SLC39A11: variants seen among roughly 807,000 people sequenced by gnomAD.
SLC39A11 encodes zinc transporter ZIP11.
A neutral mutation model predicts 36.1 loss-of-function variants in SLC39A11; 33 were observed. That is an observed-to-expected ratio of 0.91 (90% CI 0.69 to 1.22). SLC39A11 has a LOEUF of 1.22. Ranked by LOEUF, SLC39A11 falls within the 50% of genes most tolerant of loss-of-function variation. SLC39A11 has a pLI of 0.00. For synonymous variants in SLC39A11, 166 were observed against 170.3 expected, an observed-to-expected ratio of 0.97 and a Z score of 0.20; for missense variants, 432 against 430.3, an observed-to-expected ratio of 1.00 and a Z score of -0.03.
intron 6 of SLC39A11, among the ~76,000 whole-genome samples, chr17:72,787,854 C>T (rs182009755): frequency 1.3e-5 from 2 of 152,268 alleles, no homozygotes; most frequent in South Asian, 2.1e-4. Context: ...TGACTCTCCC[C>T]CTCCTTCCCT....
intron 4 of SLC39A11, among the ~76,000 whole-genome samples, chr17:72,966,221 G>A (rs1364411457): frequency 6.6e-6 from 1 of 152,208 alleles, no homozygotes; most frequent in Non-Finnish European, 1.5e-5. Flanking sequence ...TTCCCTGTGG[G>A]AACATCACAT....
intron 6 of SLC39A11, among the ~76,000 whole-genome samples, chr17:72,748,919 G>A (rs1337790353): frequency 6.6e-6 from 1 of 152,198 alleles, no homozygotes; most frequent in Non-Finnish European, 1.5e-5. Context: ...CCAAGTACGG[G>A]AGAGGGGCCA....
At chr17:72,969,097 T>C (rs754643022) in intron 4 of SLC39A11, among the ~76,000 whole-genome samples, 76 of 152,038 alleles carry the variant, frequency 5.0e-4, no homozygotes, top group Non-Finnish European at 9.1e-4. Flanking sequence ...TTCCCTCAAC[T>C]TAAGGAGTCA....
chr17:72,844,467 A>G (rs941335748), intron 6 of SLC39A11, among the ~76,000 whole-genome samples: 1 of 152,140 alleles, frequency 6.6e-6, no homozygotes, highest in Non-Finnish European at 1.5e-5. Flanking sequence ...CCAGGAGTTC[A>G]AGACCAGCCT....
chr17:72,999,925 G>A (rs1396133289), intron 4 of SLC39A11, among the ~76,000 whole-genome samples: 1 of 151,974 alleles, frequency 6.6e-6, no homozygotes, highest in African/African-American at 2.4e-5. Flanking sequence ...ATTTTTAGTA[G>A]AGATGGGGGT....
intron 4 of SLC39A11, among the ~76,000 whole-genome samples, chr17:72,973,041 G>A (rs946639767): frequency 4.6e-5 from 7 of 151,364 alleles, no homozygotes; most frequent in African/African-American, 1.7e-4. Context: ...AGCCCTTTGT[G>A]CCCACATGCA....
chr17:72,783,702 A>T (rs1038425138), intron 6 of SLC39A11, among the ~76,000 whole-genome samples: 2 of 152,020 alleles, frequency 1.3e-5, no homozygotes, highest in African/African-American at 4.8e-5. Context: ...AAAACCATAG[A>T]TCAGATCTAC....
intron 4 of SLC39A11, among the ~76,000 whole-genome samples, chr17:72,949,318 G>C (rs776985102): frequency 6.6e-6 from 1 of 151,378 alleles, no homozygotes; most frequent in Non-Finnish European, 1.5e-5. Context: ...TCACCACCAC[G>C]CCGGGCTAAT....
At chr17:72,731,646 T>C (rs1258888657) in intron 7 of SLC39A11, among the ~76,000 whole-genome samples, 1 of 152,148 alleles carries the variant, frequency 6.6e-6, no homozygotes, top group Non-Finnish European at 1.5e-5. Context: ...GTTTCCCCTA[T>C]CGCTAGCATC....
chr17:72,895,351 GGAGGATCACCT>G (rs2081975247), intron 5 of SLC39A11, among the ~76,000 whole-genome samples: 1 of 152,126 alleles, frequency 6.6e-6, no homozygotes, highest in Non-Finnish European at 1.5e-5. Context: ...GGCCAAGGTG[GGAGGATCACCT>G]GAGGTCAAGA....
At chr17:72,976,573 G>A (rs944774427) in intron 4 of SLC39A11, among the ~76,000 whole-genome samples, 5 of 152,158 alleles carry the variant, frequency 3.3e-5, no homozygotes, top group East Asian at 1.9e-4. Flanking sequence ...TCTGTTGGCC[G>A]GGCGCGGTGG....
chr17:72,900,044 GAGAA>G (rs2082255879), intron 5 of SLC39A11, among the ~76,000 whole-genome samples: 1 of 130,202 alleles, frequency 7.7e-6, no homozygotes, highest in African/African-American at 3.0e-5. Flanking sequence ...GAAAGAGAGA[GAGAA>G]AGAGAAAGAA....
intron 5 of SLC39A11, among the ~76,000 whole-genome samples, chr17:72,940,437 G>A (rs759774769): frequency 2.6e-5 from 4 of 152,252 alleles, no homozygotes; most frequent in Admixed American, 2.6e-4. Context: ...CAACACGCTC[G>A]GCTAATTTTT....
intron 7 of SLC39A11, among the ~76,000 whole-genome samples, chr17:72,672,384 T>C (rs1426633931): frequency 6.6e-6 from 1 of 152,090 alleles, no homozygotes; most frequent in African/African-American, 2.4e-5. Flanking sequence ...AGGAGGTGGA[T>C]GTTACAGTGA....
intron 5 of SLC39A11, among the ~76,000 whole-genome samples, chr17:72,912,070 G>GAAC (rs2083039273): frequency 1.3e-5 from 2 of 152,160 alleles, no homozygotes; most frequent in Non-Finnish European, 2.9e-5. Context: ...CTGCAGGCAT[G>GAAC]AAAGATGTTA....
chr17:72,876,141 G>C (rs1199010705), intron 5 of SLC39A11, among the ~76,000 whole-genome samples: 1 of 152,154 alleles, frequency 6.6e-6, no homozygotes, highest in Non-Finnish European at 1.5e-5. Flanking sequence ...AGTTAAACCT[G>C]GAATGTTTCC....
chr17:72,999,146 AG>A (rs1215403139), intron 4 of SLC39A11, among the ~76,000 whole-genome samples: 2 of 152,218 alleles, frequency 1.3e-5, no homozygotes, highest in Non-Finnish European at 2.9e-5. Flanking sequence ...CTCAAGGCCT[AG>A]CATCTCAAAA....
chr17:72,890,118 A>G (rs971644409), intron 5 of SLC39A11, among the ~76,000 whole-genome samples: 2 of 152,036 alleles, frequency 1.3e-5, no homozygotes, highest in Non-Finnish European at 2.9e-5. Context: ...AAAAAAAATT[A>G]GCTGGGCATG....
Position 73,037,896 on chromosome 17 carries a change from A to G in SLC39A11, c.148-6182T>C, listed in dbSNP as rs78713277. 2.5e-3 allele frequency among the ~76,000 whole-genome samples: 377 copies of G among 152,358 alleles called. 5 individuals are homozygous for G. In the South Asian group the frequency reaches 0.029, roughly 12 times the overall value. On this transcript the variant is annotated intron_variant, in intron 3 of 9. Coordinates refer to ENST00000255559, the MANE Select transcript of SLC39A11 (RefSeq NM_139177.4). ...GCCCAATTTCTTTTGCTAAATAATGAAAGAAGCTCAAGGATGAGTATTTCA... is the reference window on the plus strand; with the variant it reads ...GCCCAATTTCTTTTGCTAAATAATGGAAGAAGCTCAAGGATGAGTATTTCA...
Sources: allele counts gnomAD v4.1 joint callset (sites outside exome capture counted in the v4.1 genomes callset), GRCh38; gene constraint gnomAD v4.1.1; transcripts MANE v1.5; gene names NCBI Gene and HGNC (gene_info 2026-07-23, HGNC 2026-07-21).